Variants in AARS2 observed in about 807,000 individuals in gnomAD.
AARS2 encodes the protein alanyl-tRNA synthetase 2, mitochondrial, also known as alanine--tRNA ligase, mitochondrial.
A neutral mutation model predicts 119.7 loss-of-function variants in AARS2; 78 were observed. The observed-to-expected ratio is 0.65, with a 90% CI of 0.54 to 0.79. AARS2 has a LOEUF of 0.79. Ranked by LOEUF, AARS2 falls within the 30% of genes least tolerant of loss-of-function variation. The probability of loss-of-function intolerance (pLI) is 0.00; values close to 1 mark genes in which losing one functional copy is unlikely to be tolerated. For synonymous variants in AARS2, 502 were observed against 526.3 expected (o/e 0.95, Z 0.63); for missense variants, 1,157 against 1,291.3 (o/e 0.90, Z 1.59).
Position 44,307,249 on chromosome 6 carries a change from G to A in AARS2, c.1040C>T (p.Pro347Leu), listed in dbSNP as rs549401089. 14 of 1,613,788 alleles carry A rather than the reference G, an allele frequency of 8.7e-6. No homozygotes were observed. Among genetic ancestry groups the A allele is most frequent in the East Asian group, 6.7e-5 (3 of 44,866 alleles). ...DGIFPGMSGP[P>L]LVLRRILRRA... ...CTCTCTGTAGCCCTTCCAGACTCACGGGGGACCTGACATCCCAGGGAAGAT... is the reference window on the plus strand; with the variant it reads ...CTCTCTGTAGCCCTTCCAGACTCACAGGGGACCTGACATCCCAGGGAAGAT... Residue 347 changes from proline (P) to leucine (L), a missense_variant and splice_region_variant, in exon 6 of 22, where the codon CCG becomes CTG. Transcript: ENST00000244571. This position sits in a 1 kb window ranked among gnomAD's most constrained non-coding sequence, Gnocchi z 4.4.
Position 44,307,629 on chromosome 6 carries a change from A to G in AARS2, c.895-235T>C, listed in dbSNP as rs964455760. 1.7e-6 allele frequency: 1 copy of G among 595,284 alleles called. No homozygotes were observed. Among genetic ancestry groups the G allele is most frequent in the Non-Finnish European group, 3.0e-6 (1 of 335,942 alleles). 36.9% of individuals were successfully genotyped at this position (595,284 alleles called of 1,614,324 possible). ...ATCTGTGACCATTTACTGAATTTCT[A>G]CTATCAGAACTGGGTGAGTACTTGA... On this transcript the variant is annotated intron_variant, in intron 5 of 21. Transcript: ENST00000244571. This position sits in a 1 kb window ranked among gnomAD's most constrained non-coding sequence, Gnocchi z 4.4.
In AARS2 at chr6:44,307,144, C is replaced by T. The variant is rs1446072508; in HGVS notation, c.1040+105G>A. ...TCCCACCTCAAAGCTCTCCCTCTCC[C>T]CATTCCTCCTACTGGCTCAACCAGA... On this transcript the variant is annotated intron_variant, in intron 6 of 21. Transcript: ENST00000244571. This position sits in a 1 kb window ranked among gnomAD's most constrained non-coding sequence, Gnocchi z 4.4. The T allele has an allele frequency of 1.3e-6, 2 of 1,593,174 alleles. No individual in the cohort carries two copies. The highest frequency in any genetic ancestry group is 4.5e-5 in the East Asian group (2 of 44,062).
intron 17 of AARS2, 65 bp from the exon 18 acceptor site, chr6:44,302,578 AT>A: frequency 1.2e-6 from 2 of 1,607,988 alleles, no homozygotes; most frequent in Non-Finnish European, 1.7e-6. Context: ...CTCTCAACTC[AT>A]TACTGGTCAG....
At position 44,301,386 on chromosome 6, in the gene AARS2, G is replaced by T. The variant is rs755199492; in HGVS notation, c.2677C>A (p.Leu893Ile). The change falls in exon 20 of 22, where the codon CTC (leucine) becomes ATC (isoleucine). Residue 893 changes from leucine (L) to isoleucine (I), a missense_variant. Physicochemically the swap from Leu to Ile is conservative, Grantham distance 5. Transcript: ENST00000244571. ...CCGGCTTGGCTAGCACTCACTGAGA[G>T]AGACTCAGCAGAGACTGTGTCCACA... The part of the protein sequence containing the change: ...LIVDTVSAES[L>I]SVLVKVVRQL... The T allele has an allele frequency of 6.2e-7, 1 of 1,614,000 alleles. No homozygotes were observed. Among genetic ancestry groups the T allele is most frequent in the Middle Eastern group, 1.6e-4 (1 of 6,062 alleles).
rs373739694 is a variant in AARS2, at chr6:44,304,340, C to T, written c.1867-19G>A. 3 of 1,614,044 alleles carry T rather than the reference C, an allele frequency of 1.9e-6. No homozygotes were observed. Among genetic ancestry groups the T allele is most frequent in the African/African-American group, 1.3e-5 (1 of 74,910 alleles). ...GCCAGGCCTGAAATACTTTTGTCAC[C>T]CAGCGTCCTGGGTGAGGGCAGGGGG... On this transcript the variant is annotated intron_variant, in intron 13 of 21. Coordinates refer to ENST00000244571, the MANE Select transcript of AARS2 (RefSeq NM_020745.4).
intron 3 of AARS2, 28 bp from the exon 4 acceptor site, chr6:44,311,189 GAGAC>G (rs749293909): frequency 9.9e-6 from 16 of 1,613,764 alleles, no homozygotes; most frequent in Admixed American, 1.7e-5. Context: ...TGAGTGGTGG[GAGAC>G]AGACAGACCC....
Position 44,312,279 on chromosome 6 carries a change from G to A in AARS2, c.244-16C>T, listed in dbSNP as rs752432978. On this transcript the variant is annotated splice_polypyrimidine_tract_variant and intron_variant, in intron 1 of 21. Transcript: ENST00000244571. ...TTGGCTTGAACTGGAAGCACATAGA[G>A]TGGGGAGGGGGAGAGGGATATCCAA... 1.9e-6 allele frequency: 3 copies of A among 1,612,376 alleles called. No individual in the cohort carries two copies. The highest frequency in any genetic ancestry group is 2.2e-5 in the East Asian group (1 of 44,838).
In AARS2 at chr6:44,305,875, C is replaced by T. The variant is rs575663963; in HGVS notation, c.1301-89G>A. ...ATAAGGTCCAGGGCCCTTCTAACCA[C>T]GCAGAAGCCACCAGATGCCAAACAC... On this transcript the variant is annotated intron_variant, in intron 9 of 21. Transcript: ENST00000244571. This position sits in a 1 kb window ranked among gnomAD's most constrained non-coding sequence, Gnocchi z 4.6. 827 of 1,511,096 alleles carry T rather than the reference C, an allele frequency of 5.5e-4. No homozygotes were observed. The highest frequency in any genetic ancestry group is 5.5e-4 in the Non-Finnish European group (598 of 1,091,864). The allele number at this position is 1,511,096 out of a possible 1,614,324, so 93.6% of individuals were successfully genotyped here.
chr6:44,301,992 C>G, intron 19 of AARS2, 68 bp downstream of exon 19: 2 of 1,535,704 alleles, frequency 1.3e-6, no homozygotes, highest in South Asian at 1.2e-5. Flanking sequence ...TGCCCCAGCC[C>G]TTGAGACTTC....
intron 1 of AARS2, among the ~76,000 whole-genome samples, chr6:44,312,770 A>C (rs1352306576): frequency 6.6e-6 from 1 of 152,204 alleles, no homozygotes; most frequent in African/African-American, 2.4e-5. Context: ...GTGATCAATA[A>C]ACATTTAATG....
chr6:44,300,334 C>G lies in AARS2; in HGVS notation c.*213G>C, dbSNP rs551723466. ...CCATAATTGTCCATGTCTTCTCTTTCACCAAGGGGGTGTGTGTCTTTGGGC... is the reference window on the plus strand; with the variant it reads ...CCATAATTGTCCATGTCTTCTCTTTGACCAAGGGGGTGTGTGTCTTTGGGC... On this transcript the variant is annotated 3_prime_UTR_variant, in exon 22 of 22. Coordinates refer to ENST00000244571, the MANE Select transcript of AARS2 (RefSeq NM_020745.4). 4.7e-6 allele frequency: 3 copies of G among 639,084 alleles called. No homozygotes were observed. The South Asian group carries it at 5.6e-5, about 12-fold the overall frequency. The allele number at this position is 639,084 out of a possible 1,614,324, so 39.6% of individuals were successfully genotyped here. A position where few individuals can be genotyped will look rare whatever the true frequency, so the allele number is the denominator to read the frequency against.
In AARS2 at chr6:44,301,261, C is replaced by T. The variant is rs1463324509; in HGVS notation, c.2688G>A (p.Leu896=). 1 of 1,613,966 alleles carries T rather than the reference C, an allele frequency of 6.2e-7. No individual in the cohort carries two copies. Among genetic ancestry groups the T allele is most frequent in the South Asian group, 1.1e-5 (1 of 91,078 alleles). ...CACACAGCTGCCGTACCACCTTCAC[C>T]AGCACCTGGACCACGAAAGACAGAT... ...DTVSAESLSV[L]VKVVRQLCEQ... is the part of the protein sequence containing the mutation. The change falls in exon 21 of 22, where the codon CTG becomes CTA. Residue 896 remains leucine (L), a synonymous_variant. Coordinates refer to ENST00000244571, the MANE Select transcript of AARS2 (RefSeq NM_020745.4).
chr6:44,303,599 AGCT>A (rs1785557630), intron 14 of AARS2, among the ~76,000 whole-genome samples, 176 bp from the exon 15 acceptor site: 1 of 152,236 alleles, frequency 6.6e-6, no homozygotes, highest in Non-Finnish European at 1.5e-5. Flanking sequence ...TTCCTTAGAA[AGCT>A]ATCTGGGAGT....
At chr6:44,302,554 C>G (rs1187773150) in intron 17 of AARS2, 41 bp from the exon 18 acceptor site, 3 of 1,613,054 alleles carry the variant, frequency 1.9e-6, no homozygotes, top group South Asian at 2.2e-5. Context: ...ACATTCATCT[C>G]CCCAGGACAA....
In AARS2 at chr6:44,313,147, CA is replaced by C; in HGVS notation, c.176del (p.Val59GlyfsTer21). ...FFRDRHGHRLVPSASVRPRGD... is the reference protein window; with the variant it reads ...FFRDRHGHRLXPSASVRPRGD... The stretch of plus-strand genomic sequence containing the variant: ...CGCGGGGCCGCACGGAAGCGGAGGG[CA>C]CCAGCCGGTGGCCATGGCGGTCCCG... On this transcript the variant is annotated frameshift_variant, in exon 1 of 22. Coordinates refer to ENST00000244571, the MANE Select transcript of AARS2 (RefSeq NM_020745.4). LOFTEE classifies it high-confidence loss of function. 1.2e-6 allele frequency: 2 copies of C among 1,612,002 alleles called. No individual in the cohort carries two copies. The highest frequency in any genetic ancestry group is 1.7e-6 in the Non-Finnish European group (2 of 1,179,536).
rs200485499 is a variant in AARS2, at chr6:44,306,996, C to T, written c.1076G>A (p.Arg359His). Residue 359 changes from arginine to histidine, a missense_variant, in exon 7 of 22, where the codon CGT becomes CAT. By Grantham distance (29) the Arg-to-His change is conservative. Coordinates refer to ENST00000244571, the MANE Select transcript of AARS2 (RefSeq NM_020745.4). ...TGCCTTTAAGATCTCCATGGAGAAA[C>T]GCACAGCTCGACGCAGGATCCGACG... is the stretch of plus-strand genomic sequence containing the variant. ...VLRRILRRAVRFSMEILKAPP... is the reference protein window; with the variant it reads ...VLRRILRRAVHFSMEILKAPP... 109 of 1,614,074 alleles carry T rather than the reference C, an allele frequency of 6.8e-5. No individual in the cohort carries two copies. The highest frequency in any genetic ancestry group is 3.3e-4 in the Middle Eastern group (2 of 6,062).
At position 44,305,602 on chromosome 6, in the gene AARS2, TGGG is replaced by T. The variant is rs746724572; in HGVS notation, c.1434+48_1434+50del. 3 of 1,612,200 alleles carry T rather than the reference TGGG, an allele frequency of 1.9e-6. No homozygotes were observed. Among genetic ancestry groups the T allele is most frequent in the East Asian group, 4.5e-5 (2 of 44,874 alleles). ...AGCTCCTCCCCCAGGAGCTCAGGGCTGGGGAAGAGGTGTCCTAACAGAACCCAG... is the reference window on the plus strand; with the variant it reads ...AGCTCCTCCCCCAGGAGCTCAGGGCTGAAGAGGTGTCCTAACAGAACCCAG... On this transcript the variant is annotated intron_variant, in intron 10 of 21. Coordinates refer to ENST00000244571, the MANE Select transcript of AARS2 (RefSeq NM_020745.4). The surrounding 1 kb of genome is among the most constrained non-coding windows in gnomAD (Gnocchi z 4.6).
Position 44,303,266 on chromosome 6 carries a change from A to G in AARS2, c.2145+20T>C, listed in dbSNP as rs1273543002. The G allele has an allele frequency of 6.2e-7, 1 of 1,613,990 alleles. No individual in the cohort carries two copies. Among genetic ancestry groups the G allele is most frequent in the Non-Finnish European group, 8.5e-7 (1 of 1,180,026 alleles). On this transcript the variant is annotated intron_variant, in intron 15 of 21. Transcript: ENST00000244571. ...TGAAGGAGGCCCCCGATCTCCAGCA[A>G]AAGGGCTTCCCCAACTCACCTCATC... is the stretch of plus-strand genomic sequence containing the variant.
chr6:44,301,458 T>G lies in AARS2; in HGVS notation c.2605A>C (p.Lys869Gln), dbSNP rs1440238436. 1.2e-6 allele frequency: 2 copies of G among 1,612,986 alleles called. No individual in the cohort carries two copies. The highest frequency in any genetic ancestry group is 2.7e-5 in the African/African-American group (2 of 74,838). ...IRKLQMGQAA[K>Q]KTQELLERHS... is the part of the protein sequence containing the mutation. Reference sequence around the variant, plus strand: ...CGCTCCAGCAGCTCCTGAGTTTTCTTTGCAGCCTATGGGGCAGGAAGGACA... The same window carrying G: ...CGCTCCAGCAGCTCCTGAGTTTTCTGTGCAGCCTATGGGGCAGGAAGGACA... The change falls in exon 20 of 22, where the codon AAG (lysine) becomes CAG (glutamine). Residue 869 changes from lysine (K) to glutamine (Q), a missense_variant. Physicochemically the swap from Lys to Gln is moderately conservative, Grantham distance 53. Transcript: ENST00000244571.
Sources: gnomAD v4.1 joint callset for allele counts (sites outside exome capture counted in the v4.1 genomes callset) on GRCh38, gnomAD v4.1.1 for gene constraint, Gnocchi (gnomAD v3.1) non-coding constraint, MANE v1.5 for transcripts, NCBI Gene and HGNC (gene_info 2026-07-23, HGNC 2026-07-21) for gene names.